The following ANO4 variants were observed in gnomAD, a reference collection of about 807,000 sequenced individuals.
ANO4 encodes anoctamin-4.
A neutral mutation model predicts 141.9 loss-of-function variants in ANO4; 69 were observed. The ratio of observed to expected loss-of-function variants is 0.49; its 90% confidence interval spans 0.40 to 0.59. ANO4 has a LOEUF of 0.59. Ranked by LOEUF, ANO4 falls within the 20% of genes least tolerant of loss-of-function variation. The pLI is 0.00. For synonymous variants in ANO4, 350 were observed against 394.3 expected (o/e 0.89, Z 1.33); for missense variants, 894 against 1,162.2 (o/e 0.77, Z 3.36).
At chr12:100,771,605 T>C (rs1300540202) in intron 3 of ANO4, among the ~76,000 whole-genome samples, 1 of 152,142 alleles carries the variant, frequency 6.6e-6, no homozygotes, top group East Asian at 1.9e-4. Flanking sequence ...TGCAGTTTTA[T>C]GGACCCAGGG....
At chr12:101,107,976 C>A (rs2050514740) in intron 22 of ANO4, among the ~76,000 whole-genome samples, 1 of 152,074 alleles carries the variant, frequency 6.6e-6, no homozygotes, top group Non-Finnish European at 1.5e-5. Context: ...TAGCAGAGAC[C>A]TGGTTTTTAT....
intron 8 of ANO4, among the ~76,000 whole-genome samples, chr12:100,991,739 T>G (rs540466243): frequency 6.6e-6 from 1 of 152,260 alleles, no homozygotes; most frequent in East Asian, 1.9e-4. Context: ...AGACTATGCC[T>G]TTCTCACTCA....
At chr12:101,051,671 CT>C (rs1391766690) in intron 14 of ANO4, among the ~76,000 whole-genome samples, 1 of 152,180 alleles carries the variant, frequency 6.6e-6, no homozygotes, top group Non-Finnish European at 1.5e-5. Context: ...CTCCAGCAAG[CT>C]TTTAAAAAGG....
At chr12:100,869,708 A>AT (rs985104240) in intron 1 of ANO4, among the ~76,000 whole-genome samples, 2 of 151,984 alleles carry the variant, frequency 1.3e-5, no homozygotes, top group Non-Finnish European at 2.9e-5. Flanking sequence ...GGACTTTCTG[A>AT]TTTTTTCTAT....
At chr12:101,068,418 T>C in intron 14 of ANO4, 1 of 929,060 alleles carries the variant, frequency 1.1e-6, no homozygotes, top group Non-Finnish European at 1.8e-6. Context: ...GCTGAGTATC[T>C]CGCTGTTTTT....
chr12:100,879,784 C>A (rs961872519), intron 1 of ANO4, among the ~76,000 whole-genome samples: 1 of 152,108 alleles, frequency 6.6e-6, no homozygotes, highest in Non-Finnish European at 1.5e-5. Flanking sequence ...GTGTCAGAAA[C>A]TTGGTTTATA....
chr12:100,717,291 C>G (rs1388763494), upstream of ANO4, among the ~76,000 whole-genome samples: 3 of 151,824 alleles, frequency 2.0e-5, no homozygotes. Context: ...GCGCGGCTGC[C>G]GGTCTACGCC....
intron 1 of ANO4, among the ~76,000 whole-genome samples, chr12:100,892,320 A>AT (rs1593659006): frequency 6.6e-6 from 1 of 152,226 alleles, no homozygotes; most frequent in East Asian, 1.9e-4. Context: ...AATTAAAAAA[A>AT]ATCTCAGGTT....
intron 2 of ANO4, among the ~76,000 whole-genome samples, chr12:100,921,027 T>C (rs1453394943): frequency 3.9e-5 from 6 of 152,266 alleles, no homozygotes; most frequent in East Asian, 1.9e-4. Context: ...AATTTCAACG[T>C]TGGTCTCTCA....
intron 3 of ANO4, among the ~76,000 whole-genome samples, chr12:100,756,322 A>T (rs1238188155): frequency 4.6e-5 from 7 of 152,170 alleles, no homozygotes; most frequent in Admixed American, 4.6e-4. Flanking sequence ...GAAATTGAAG[A>T]TACCATTTTA....
At chr12:100,991,754 TG>T (rs2045120427) in intron 8 of ANO4, among the ~76,000 whole-genome samples, 1 of 152,172 alleles carries the variant, frequency 6.6e-6, no homozygotes, top group African/African-American at 2.4e-5. Context: ...CACTCATTTT[TG>T]AATCCCATAG....
intron 5 of ANO4, among the ~76,000 whole-genome samples, chr12:100,946,321 C>T (rs1011230759): frequency 4.3e-4 from 65 of 152,250 alleles, no homozygotes; most frequent in African/African-American, 1.4e-3. Context: ...TTAATAAGGG[C>T]ATTCGGGTTG....
chr12:100,987,118 A>G (rs1226766469), intron 7 of ANO4: 3 of 157,768 alleles, frequency 1.9e-5, no homozygotes, highest in Admixed American at 1.8e-4. Flanking sequence ...CCGAAAGTTA[A>G]TTACAGCTAG....
chr12:101,015,686 A>G (rs2046288648), intron 8 of ANO4, among the ~76,000 whole-genome samples: 1 of 152,136 alleles, frequency 6.6e-6, no homozygotes, highest in South Asian at 2.1e-4. Context: ...GTTTTGATAG[A>G]CCTGACCAAA....
chr12:100,940,612 G>T (rs550870391), intron 4 of ANO4, among the ~76,000 whole-genome samples: 1 of 152,164 alleles, frequency 6.6e-6, no homozygotes, highest in African/African-American at 2.4e-5. Flanking sequence ...TCTACATCAA[G>T]ACATGGTACA....
intron 26 of ANO4, among the ~76,000 whole-genome samples, chr12:101,123,387 G>A (rs1258567644): frequency 1.3e-5 from 2 of 152,014 alleles, no homozygotes; most frequent in East Asian, 1.9e-4. Flanking sequence ...TGTGTGCCAC[G>A]GTCATCTGCT....
rs530953936 is a variant in ANO4, at chr12:100,968,199, C to T, written c.457-3107C>T. 8.5e-5 allele frequency among the ~76,000 whole-genome samples: 13 copies of T among 152,270 alleles called. No homozygotes were observed. In the South Asian group the frequency reaches 1.9e-3, roughly 22 times the overall value. On this transcript the variant is annotated intron_variant, in intron 5 of 27. Transcript: ENST00000392977. ...TATGCATAAAATGGTTGAGATCCCACGTCAGAATTTTAGTTGATTCAGTAT... is the reference window on the plus strand; with the variant it reads ...TATGCATAAAATGGTTGAGATCCCATGTCAGAATTTTAGTTGATTCAGTAT...
At position 101,035,156 on chromosome 12, in the gene ANO4, A is replaced by T. The variant is rs562976548; in HGVS notation, c.842-1939A>T. On this transcript the variant is annotated intron_variant, in intron 9 of 27. Transcript: ENST00000392977. ...ACTATAAAGGACCCAAATGTCTATC[A>T]TCAGGAGAATAGATAAACAAATTAT... 3.1e-3 allele frequency among the ~76,000 whole-genome samples: 479 copies of T among 152,332 alleles called. 3 individuals carry two copies. The highest frequency in any genetic ancestry group is 0.011 in the African/African-American group (454 of 41,578).
rs117622817 is a variant in ANO4 at position 100,952,742 on chromosome 12, C to G, written c.456+10207C>G. On this transcript the variant is annotated intron_variant, in intron 5 of 27. Transcript: ENST00000392977. ...GGTGTTCTCCCTCCTTTCCCTCCCTCCCTTAGTCTTACTCTAATTTCTGAG... is the reference window on the plus strand; with the variant it reads ...GGTGTTCTCCCTCCTTTCCCTCCCTGCCTTAGTCTTACTCTAATTTCTGAG... Among the ~76,000 whole-genome samples, 62 of 152,282 alleles carry G rather than the reference C, an allele frequency of 4.1e-4. No homozygotes were observed. The East Asian group carries it at 0.01, about 26-fold the overall frequency.
Sources: allele counts gnomAD v4.1 joint callset (sites outside exome capture counted in the v4.1 genomes callset), GRCh38; gene constraint gnomAD v4.1.1; transcripts MANE v1.5; gene names NCBI Gene and HGNC (gene_info 2026-07-23, HGNC 2026-07-21).